The following PSMG4 variants were observed in gnomAD, a reference collection of about 807,000 sequenced individuals.
PSMG4 encodes the protein proteasome assembly chaperone 4.
Under a neutral mutation model 11.0 loss-of-function variants are expected in PSMG4, and 10 were observed. The ratio of observed to expected loss-of-function variants is 0.91; its 90% CI spans 0.56 to 1.54. PSMG4 has a LOEUF of 1.54. Among genes scored for constraint, PSMG4 ranks in the 40% most tolerant of loss-of-function variants. PSMG4 has a pLI of 0.00. For synonymous variants in PSMG4, 95 were observed against 71.3 expected (o/e 1.33, Z -1.68); for missense variants, 198 against 160.9 (o/e 1.23, Z -1.25).
intron 1 of PSMG4, among the ~76,000 whole-genome samples, chr6:3,263,083 GCTT>G (rs1018302893): frequency 2.6e-5 from 4 of 152,186 alleles, no homozygotes; most frequent in Non-Finnish European, 5.9e-5. Context: ...TCACCTTACT[GCTT>G]CTTGTCTGAA....
At chr6:3,264,931 G>A (rs1758125701) in intron 2 of PSMG4, 1 of 152,440 alleles carries the variant, frequency 6.6e-6, no homozygotes, top group Non-Finnish European at 1.5e-5. Context: ...AGGTTACTGC[G>A]TGTGGGAGAA....
At chr6:3,267,444 C>T in intron 2 of PSMG4, 147 bp from the exon 3 acceptor site, 3 of 847,678 alleles carry the variant, frequency 3.5e-6, no homozygotes, top group Non-Finnish European at 3.5e-6. Context: ...CAGCACCTGT[C>T]TGAAGAGAGG....
At chr6:3,264,147 G>A in intron 2 of PSMG4, 3 of 1,544,218 alleles carry the variant, frequency 1.9e-6, no homozygotes, top group Non-Finnish European at 2.6e-6. Flanking sequence ...CAGTGCAGCT[G>A]GTGGAGCAGG....
At chr6:3,261,290 C>A (rs1003928727) in intron 1 of PSMG4, among the ~76,000 whole-genome samples, 7 of 152,104 alleles carry the variant, frequency 4.6e-5, no homozygotes, top group African/African-American at 1.7e-4. Context: ...GAGCAGGCGG[C>A]AGCGGAAGAG....
At position 3,259,012 on chromosome 6, in the gene PSMG4, C is replaced by T. The variant is rs1020565524; in HGVS notation, c.-11C>T. On this transcript the variant is annotated 5_prime_UTR_variant, in exon 1 of 3. Coordinates refer to ENST00000438998, the MANE Select transcript of PSMG4 (RefSeq NM_001128591.2). The stretch of plus-strand genomic sequence containing the variant: ...GGGTCTGGCGCTGTGGGCCGGGAGC[C>T]GTGGGGCGGCATGGAGGGGCTGGTT... The T allele has an allele frequency of 2.4e-6, 3 of 1,243,224 alleles. No individual in the cohort carries two copies. Among genetic ancestry groups the T allele is most frequent in the Non-Finnish European group, 3.0e-6 (3 of 992,852 alleles). 77.0% of individuals were successfully genotyped at this position (1,243,224 alleles called of 1,614,324 possible).
At chr6:3,259,301 C>G (rs1290810936) in intron 1 of PSMG4, 105 bp downstream of exon 1, 6 of 1,046,866 alleles carry the variant, frequency 5.7e-6, no homozygotes, top group Non-Finnish European at 7.3e-6. Flanking sequence ...CCACAGGGCG[C>G]CCTACTCCCC....
chr6:3,254,872 T>C (rs534471278), upstream of PSMG4, among the ~76,000 whole-genome samples: 4 of 152,204 alleles, frequency 2.6e-5, no homozygotes, highest in African/African-American at 9.6e-5. Context: ...CATGAGATGC[T>C]GGAGGGTGAC....
At chr6:3,263,185 G>C (rs1014626602) in intron 1 of PSMG4, among the ~76,000 whole-genome samples, 2 of 152,208 alleles carry the variant, frequency 1.3e-5, no homozygotes, top group Admixed American at 6.5e-5. Flanking sequence ...CAAGGCACTC[G>C]CTGACCCTGA....
upstream of PSMG4, chr6:3,255,191 G>C: frequency 6.4e-7 from 1 of 1,550,644 alleles, no homozygotes; most frequent in East Asian, 2.4e-5. Context: ...TCTGGTGGAA[G>C]TAGGATGTTT....
rs144017989 is a variant in PSMG4 at position 3,267,305 on chromosome 6, G to C, written c.251-286G>C. 9.5e-3 allele frequency: 2,559 copies of C among 269,260 alleles called. 80 individuals carry two copies. Among genetic ancestry groups the C allele is most frequent in the East Asian group, 0.09 (1,176 of 13,016 alleles). 16.7% of individuals were successfully genotyped at this position (269,260 alleles called of 1,614,324 possible). On this transcript the variant is annotated intron_variant, in intron 2 of 2. Coordinates refer to ENST00000438998, the MANE Select transcript of PSMG4 (RefSeq NM_001128591.2). ...CAAATCCTGGCTTTCTGGGTCAGGA[G>C]GGCTGGGTGGGGCCCAGCAGCTGCC... is the stretch of plus-strand genomic sequence containing the variant.
upstream of PSMG4, chr6:3,255,287 G>C: frequency 6.5e-7 from 1 of 1,533,812 alleles, no homozygotes; most frequent in Non-Finnish European, 8.8e-7. Flanking sequence ...GGGTCTATCG[G>C]TGCCCATCCT....
At chr6:3,264,660 T>C (rs894972719) in intron 2 of PSMG4, 37 of 205,910 alleles carry the variant, frequency 1.8e-4, no homozygotes, top group Admixed American at 9.5e-4. Context: ...GCAGTATTCT[T>C]TTTCCCTCCC....
intron 1 of PSMG4, among the ~76,000 whole-genome samples, chr6:3,260,543 T>TC (rs1343460235): frequency 2.0e-5 from 3 of 152,044 alleles, no homozygotes; most frequent in Non-Finnish European, 2.9e-5. Flanking sequence ...TGCCTCGGCC[T>TC]CCCAAAGGCA....
intron 1 of PSMG4, among the ~76,000 whole-genome samples, chr6:3,263,194 G>C (rs1190725139): frequency 6.6e-6 from 1 of 152,240 alleles, no homozygotes; most frequent in Non-Finnish European, 1.5e-5. Flanking sequence ...CGCTGACCCT[G>C]AGGAGCCCAC....
At chr6:3,263,002 G>A (rs1005933471) in intron 1 of PSMG4, among the ~76,000 whole-genome samples, 4 of 152,178 alleles carry the variant, frequency 2.6e-5, no homozygotes, top group Non-Finnish European at 5.9e-5. Context: ...TCCCAAAGTA[G>A]TTGGGAGCAG....
intron 1 of PSMG4, among the ~76,000 whole-genome samples, chr6:3,261,144 T>TGAGC (rs1041671495): frequency 3.3e-5 from 5 of 152,226 alleles, no homozygotes; most frequent in African/African-American, 1.2e-4. Flanking sequence ...AAGTCATGGG[T>TGAGC]GAGCCTCTTA....
At position 3,259,170 on chromosome 6, in the gene PSMG4, C is replaced by A; in HGVS notation, c.148C>A (p.Leu50Ile). ...WVGATPHLRN[L>I]AVAMCSRYDS... ...GGGGGCCACGCCGCACCTGCGCAACCTCGCCGTGGCCATGTGCAGCCGCTA... is the reference window on the plus strand; with the variant it reads ...GGGGGCCACGCCGCACCTGCGCAACATCGCCGTGGCCATGTGCAGCCGCTA... The change falls in exon 1 of 3, where the codon CTC becomes ATC. Residue 50 changes from leucine (L) to isoleucine (I), a missense_variant. By Grantham distance (5) the Leu-to-Ile change is conservative. Transcript: ENST00000438998. The A allele has an allele frequency of 7.6e-7, 1 of 1,309,800 alleles. No homozygotes were observed. The allele number at this position is 1,309,800 out of a possible 1,614,324, so 81.1% of individuals were successfully genotyped here.
chr6:3,262,424 G>A (rs576012928), intron 1 of PSMG4, among the ~76,000 whole-genome samples: 2 of 152,342 alleles, frequency 1.3e-5, no homozygotes, highest in East Asian at 3.8e-4. Context: ...TCTGTAAACA[G>A]CAGGCTCATT....
intron 1 of PSMG4, among the ~76,000 whole-genome samples, chr6:3,262,347 T>A (rs1280804936): frequency 6.6e-6 from 1 of 152,218 alleles, no homozygotes; most frequent in East Asian, 1.9e-4. Flanking sequence ...TAAGGTAGAT[T>A]TTCTTTTTTC....
Sources: gnomAD v4.1 joint callset for allele counts (sites outside exome capture counted in the v4.1 genomes callset) on GRCh38, gnomAD v4.1.1 for gene constraint, MANE v1.5 for transcripts, NCBI Gene and HGNC (gene_info 2026-07-23, HGNC 2026-07-21) for gene names.